Variants in ADAMTSL1 observed in about 807,000 individuals in gnomAD.
ADAMTSL1 encodes the protein ADAMTS-like protein 1.
A neutral mutation model predicts 201.8 loss-of-function variants in ADAMTSL1; 126 were observed. The observed-to-expected ratio is 0.62, with a 90% CI of 0.54 to 0.72. ADAMTSL1 has a LOEUF of 0.72. ADAMTSL1 is among the 30% of genes least tolerant of loss of function. ADAMTSL1 has a pLI of 0.00. For missense variants in ADAMTSL1, 2,679 were observed against 2,277.8 expected (o/e 1.18, Z -3.59); for synonymous variants, 1,121 against 903.4 (o/e 1.24, Z -4.32).
At position 18,296,890 on chromosome 9, in the gene ADAMTSL1, A is replaced by G. The variant is rs182748092; in HGVS notation, c.207+132909A>G. 8.9e-4 allele frequency among the ~76,000 whole-genome samples: 135 copies of G among 152,318 alleles called. 2 individuals carry two copies. The highest frequency in any genetic ancestry group is 3.2e-3 in the African/African-American group (131 of 41,576). ...TAAAAATGCAGCATTGCTTTGGAGG[A>G]GGACTTTGTATCTCAGAGGCTTAAA... is the stretch of plus-strand genomic sequence containing the variant. On this transcript the variant is annotated intron_variant, in intron 2 of 29. Transcript: ENST00000680146.
At chr9:18,353,384 GA>G (rs1478742735) in intron 2 of ADAMTSL1, among the ~76,000 whole-genome samples, 1 of 152,138 alleles carries the variant, frequency 6.6e-6, no homozygotes, top group Non-Finnish European at 1.5e-5. Flanking sequence ...ACTTACTGAA[GA>G]ATTTATTCCC....
At chr9:18,720,909 C>A (rs1210610092) in intron 14 of ADAMTSL1, among the ~76,000 whole-genome samples, 1 of 152,208 alleles carries the variant, frequency 6.6e-6, no homozygotes, top group Non-Finnish European at 1.5e-5. Flanking sequence ...TCAGGGCCTG[C>A]GGGTGTCAGT....
chr9:18,157,364 T>C (rs1196651547), intron 1 of ADAMTSL1, among the ~76,000 whole-genome samples: 5 of 151,540 alleles, frequency 3.3e-5, no homozygotes, highest in Admixed American at 2.0e-4. Context: ...TGTAGATATC[T>C]ATCTACTTTA....
intron 16 of ADAMTSL1, among the ~76,000 whole-genome samples, chr9:18,768,472 T>TTC (rs1212559381): frequency 6.6e-6 from 1 of 151,376 alleles, no homozygotes; most frequent in East Asian, 1.9e-4. Context: ...TTTTTTTTTT[T>TTC]TTCTGTAAAG....
intron 26 of ADAMTSL1, among the ~76,000 whole-genome samples, chr9:18,902,111 A>T (rs1353927222): frequency 6.6e-6 from 1 of 152,238 alleles, no homozygotes; most frequent in Non-Finnish European, 1.5e-5. Flanking sequence ...GCCCCAAAGT[A>T]TATGAATCAA....
chr9:18,458,831 A>C (rs1280531133), intron 2 of ADAMTSL1, among the ~76,000 whole-genome samples: 1 of 152,144 alleles, frequency 6.6e-6, no homozygotes, highest in African/African-American at 2.4e-5. Context: ...GCTTGAAGGG[A>C]CTTTAACAAA....
chr9:17,928,387 C>T (rs1247024516), intron 1 of ADAMTSL1, among the ~76,000 whole-genome samples: 1 of 152,120 alleles, frequency 6.6e-6, no homozygotes, highest in Non-Finnish European at 1.5e-5. Context: ...TCTTTTTGAA[C>T]TCAAGGTAGA....
At chr9:18,429,640 G>A (rs768482463) in intron 2 of ADAMTSL1, among the ~76,000 whole-genome samples, 2 of 152,036 alleles carry the variant, frequency 1.3e-5, no homozygotes, top group East Asian at 1.9e-4. Context: ...TATTCATTAG[G>A]CCTAAATAAT....
At chr9:18,287,652 T>TGC (rs1833063734) in intron 2 of ADAMTSL1, among the ~76,000 whole-genome samples, 1 of 143,524 alleles carries the variant, frequency 7.0e-6, no homozygotes, top group Non-Finnish European at 1.5e-5. Context: ...TGTGTATACA[T>TGC]ATACACATAT....
chr9:17,964,624 A>G (rs1027320815), intron 1 of ADAMTSL1, among the ~76,000 whole-genome samples: 2 of 152,288 alleles, frequency 1.3e-5, no homozygotes, highest in African/African-American at 4.8e-5. Context: ...GGAAATCTGA[A>G]TAAGATAGGT....
chr9:18,696,311 G>T (rs904286992), intron 13 of ADAMTSL1, among the ~76,000 whole-genome samples: 3 of 152,188 alleles, frequency 2.0e-5, no homozygotes, highest in Non-Finnish European at 4.4e-5. Context: ...ACCCGCCCAT[G>T]CCAGAATCTT....
At chr9:18,651,730 G>A (rs1157304741) in intron 7 of ADAMTSL1, among the ~76,000 whole-genome samples, 2 of 152,126 alleles carry the variant, frequency 1.3e-5, no homozygotes, top group Admixed American at 6.6e-5. Flanking sequence ...ATTTCTGCTT[G>A]CATCAGTTAG....
intron 23 of ADAMTSL1, among the ~76,000 whole-genome samples, chr9:18,865,136 C>T (rs960542790): frequency 2.6e-5 from 4 of 152,044 alleles, no homozygotes; most frequent in East Asian, 1.9e-4. Context: ...GTGTGCTGCA[C>T]CCATTAACTC....
At chr9:17,972,172 T>G (rs1818230276) in intron 1 of ADAMTSL1, among the ~76,000 whole-genome samples, 1 of 151,106 alleles carries the variant, frequency 6.6e-6, no homozygotes, top group African/African-American at 2.4e-5. Flanking sequence ...TTTATTTTAT[T>G]ATTATTATAC....
chr9:18,071,623 G>A (rs1034253189), intron 1 of ADAMTSL1, among the ~76,000 whole-genome samples: 3 of 152,168 alleles, frequency 2.0e-5, no homozygotes, highest in African/African-American at 7.2e-5. Flanking sequence ...TTTTCAAATG[G>A]CCCTCTGCTT....
At chr9:18,192,360 A>C (rs937285897) in intron 2 of ADAMTSL1, among the ~76,000 whole-genome samples, 1 of 152,102 alleles carries the variant, frequency 6.6e-6, no homozygotes, top group African/African-American at 2.4e-5. Flanking sequence ...AGTTTCTTCA[A>C]ATCCCCTAAA....
chr9:18,694,112 A>G (rs1435986428), intron 13 of ADAMTSL1, among the ~76,000 whole-genome samples: 1 of 152,092 alleles, frequency 6.6e-6, no homozygotes, highest in Non-Finnish European at 1.5e-5. Context: ...AAACAACCAG[A>G]TCTCGTGAGA....
At chr9:18,284,002 G>A (rs1047097205) in intron 2 of ADAMTSL1, among the ~76,000 whole-genome samples, 1 of 150,858 alleles carries the variant, frequency 6.6e-6, no homozygotes, top group Non-Finnish European at 1.5e-5. Flanking sequence ...AGGCCGAGGA[G>A]GGCAGATCAC....
chr9:18,577,229 T>C (rs1822792739), intron 4 of ADAMTSL1, among the ~76,000 whole-genome samples: 1 of 152,218 alleles, frequency 6.6e-6, no homozygotes, highest in Admixed American at 6.5e-5. Flanking sequence ...CTCATGCCTG[T>C]AATCTGGGCA....
Sources: gnomAD v4.1 joint callset for allele counts (sites outside exome capture counted in the v4.1 genomes callset) on GRCh38, gnomAD v4.1.1 for gene constraint, MANE v1.5 for transcripts, NCBI Gene and HGNC (gene_info 2026-07-23, HGNC 2026-07-21) for gene names.